ARMC9: variants seen among roughly 807,000 people sequenced by gnomAD.
The protein encoded by ARMC9 is lisH domain-containing protein ARMC9.
Under a neutral mutation model 107.0 loss-of-function variants are expected in ARMC9, and 94 were observed. That is an observed-to-expected ratio of 0.88 (90% CI 0.74 to 1.04). ARMC9 has a LOEUF of 1.04. Among genes scored for constraint, ARMC9 ranks in the 50% least tolerant of loss-of-function variants. ARMC9 has a pLI of 0.00. For synonymous variants in ARMC9, 380 were observed against 396.9 expected, an observed-to-expected ratio of 0.96 and a Z score of 0.51; for missense variants, 942 against 1,030.1, an observed-to-expected ratio of 0.91 and a Z score of 1.17.
chr2:231,288,286 A>G (rs908425397), intron 17 of ARMC9, among the ~76,000 whole-genome samples: 1 of 152,186 alleles, frequency 6.6e-6, no homozygotes, highest in Non-Finnish European at 1.5e-5. Context: ...GTTACGTAAA[A>G]CAATGTACAT....
At chr2:231,363,604 C>T (rs2045681159) in intron 23 of ARMC9, among the ~76,000 whole-genome samples, 1 of 152,064 alleles carries the variant, frequency 6.6e-6, no homozygotes, top group South Asian at 2.1e-4. Flanking sequence ...AAGTCTAGAC[C>T]TGCCTGGCGC....
intron 19 of ARMC9, among the ~76,000 whole-genome samples, chr2:231,308,441 C>T (rs554938749): frequency 6.2e-4 from 95 of 152,230 alleles, no homozygotes; most frequent in African/African-American, 2.3e-3. Context: ...CTGAGCTTGG[C>T]TGATGGCAGA....
At chr2:231,203,523 A>G (rs2031426747) in intron 1 of ARMC9, among the ~76,000 whole-genome samples, 1 of 152,178 alleles carries the variant, frequency 6.6e-6, no homozygotes, top group South Asian at 2.1e-4. Flanking sequence ...TCTGTAGAGC[A>G]GGCAACATGC....
At chr2:231,244,685 G>C (rs1361016088) in intron 9 of ARMC9, among the ~76,000 whole-genome samples, 1 of 152,186 alleles carries the variant, frequency 6.6e-6, no homozygotes, top group East Asian at 1.9e-4. Flanking sequence ...TGTGGATTTT[G>C]TTTGCAGGCA....
At chr2:231,258,888 A>G (rs761233653) in intron 10 of ARMC9, 103 bp from the exon 11 acceptor site, 66 of 1,080,768 alleles carry the variant, frequency 6.1e-5, no homozygotes, top group Middle Eastern at 2.1e-4. Flanking sequence ...CTGGGAGCCC[A>G]TGGGAACAGC....
chr2:231,367,890 C>T (rs1427787132), intron 23 of ARMC9, among the ~76,000 whole-genome samples: 1 of 150,188 alleles, frequency 6.7e-6, no homozygotes, highest in East Asian at 2.0e-4. Context: ...GGCTGAGTCA[C>T]GAGAACTTGA....
At chr2:231,235,185 G>A in intron 7 of ARMC9, 39 bp from the exon 8 acceptor site, 5 of 1,579,668 alleles carry the variant, frequency 3.2e-6, no homozygotes, top group Non-Finnish European at 4.3e-6. Context: ...TCATATTGTG[G>A]ATTTTTATTG....
At chr2:231,293,851 C>G (rs1360613350) in intron 18 of ARMC9, 1 of 152,164 alleles carries the variant, frequency 6.6e-6, no homozygotes, top group East Asian at 1.9e-4. Context: ...GATGGAAGAC[C>G]AGACACACAA....
intron 23 of ARMC9, among the ~76,000 whole-genome samples, chr2:231,367,983 A>T (rs2045882186): frequency 6.6e-6 from 1 of 151,970 alleles, no homozygotes; most frequent in Non-Finnish European, 1.5e-5. Context: ...CATTTCAAAA[A>T]AAAAAAAAAG....
Position 231,376,494 on chromosome 2 carries a change from G to A in ARMC9, c.*4959G>A, listed in dbSNP as rs572987854. Among the ~76,000 whole-genome samples, 3 of 152,188 alleles carry A rather than the reference G, an allele frequency of 2.0e-5. No homozygotes were observed. Among genetic ancestry groups the A allele is most frequent in the South Asian group, 2.1e-4 (1 of 4,818 alleles). ...GAAATAAACTCCAGTCTCCCATAGC[G>A]CTCCCAGGCTTATTAGGAGGAGGAA... On this transcript the variant is annotated 3_prime_UTR_variant, in exon 25 of 25. Coordinates refer to ENST00000611582, the MANE Select transcript of ARMC9 (RefSeq NM_001352754.2).
chr2:231,323,104 G>A (rs2043090711), intron 19 of ARMC9, among the ~76,000 whole-genome samples: 1 of 152,078 alleles, frequency 6.6e-6, no homozygotes, highest in African/African-American at 2.4e-5. Context: ...TGGGAGGAAT[G>A]CTTGAGGCCA....
intron 15 of ARMC9, among the ~76,000 whole-genome samples, chr2:231,277,943 A>G (rs1202792917): frequency 2.0e-5 from 3 of 152,146 alleles, no homozygotes; most frequent in Admixed American, 2.0e-4. Context: ...AGTGATTTTT[A>G]TGATGATGTT....
At chr2:231,230,436 AG>A in intron 7 of ARMC9, among the ~76,000 whole-genome samples, 1 of 152,252 alleles carries the variant, frequency 6.6e-6, no homozygotes, top group Admixed American at 6.5e-5. Context: ...AACTTTTGAC[AG>A]GGAAAATAGA....
intron 19 of ARMC9, among the ~76,000 whole-genome samples, chr2:231,318,525 C>G (rs1472708388): frequency 6.6e-6 from 1 of 152,040 alleles, no homozygotes; most frequent in Admixed American, 6.5e-5. Flanking sequence ...TTCCAGCTGT[C>G]CCCCTTCAAT....
At chr2:231,211,414 C>T (rs1197301290) in intron 3 of ARMC9, among the ~76,000 whole-genome samples, 1 of 151,726 alleles carries the variant, frequency 6.6e-6, no homozygotes, top group Admixed American at 6.6e-5. Flanking sequence ...CACCTGTAAT[C>T]CCAGCTACTT....
At position 231,375,126 on chromosome 2, in the gene ARMC9, A is replaced by G. The variant is rs2046157245; in HGVS notation, c.*3591A>G. ...AGCTTTATAATGATTTGGATCAGTG[A>G]TGGGGGCTGGGCACGGACAGGCGAT... On this transcript the variant is annotated 3_prime_UTR_variant, in exon 25 of 25. Coordinates refer to ENST00000611582, the MANE Select transcript of ARMC9 (RefSeq NM_001352754.2). The surrounding 1 kb of genome is among the most constrained non-coding windows in gnomAD (Gnocchi z 4.3). Among the ~76,000 whole-genome samples the G allele has an allele frequency of 6.6e-6, 1 of 152,238 alleles. No homozygotes were observed. The highest frequency in any genetic ancestry group is 1.5e-5 in the Non-Finnish European group (1 of 68,036).
intron 22 of ARMC9, among the ~76,000 whole-genome samples, chr2:231,356,624 G>A (rs2045355245): frequency 6.6e-6 from 1 of 152,186 alleles, no homozygotes; most frequent in South Asian, 2.1e-4. Context: ...GGATTCAGAC[G>A]CTTCCAGGCC....
At chr2:231,306,604 C>A (rs1194993401) in intron 19 of ARMC9, among the ~76,000 whole-genome samples, 1 of 152,094 alleles carries the variant, frequency 6.6e-6, no homozygotes, top group Non-Finnish European at 1.5e-5. Context: ...TCAGAACTAG[C>A]TAGACCGGGG....
At chr2:231,258,436 C>T (rs1160228814) in intron 10 of ARMC9, among the ~76,000 whole-genome samples, 7 of 152,154 alleles carry the variant, frequency 4.6e-5, no homozygotes, top group African/African-American at 1.7e-4. Flanking sequence ...CCGCACAGGC[C>T]TCCCAAAGTG....
Sources: gnomAD v4.1 joint callset for allele counts (sites outside exome capture counted in the v4.1 genomes callset) on GRCh38, gnomAD v4.1.1 for gene constraint, Gnocchi (gnomAD v3.1) non-coding constraint, MANE v1.5 for transcripts, NCBI Gene and HGNC (gene_info 2026-07-23, HGNC 2026-07-21) for gene names.